EPN1: variants seen among roughly 807,000 people sequenced by gnomAD.
EPN1 encodes epsin 1.
A neutral mutation model predicts 56.9 loss-of-function variants in EPN1; 25 were observed. The ratio of observed to expected loss-of-function variants is 0.44; its 90% CI spans 0.32 to 0.61. The LOEUF (loss-of-function observed/expected upper bound fraction) is 0.61. EPN1 is among the 20% of genes least tolerant of loss of function. The probability of loss-of-function intolerance (pLI) is 0.05; values close to 1 mark genes in which losing one functional copy is unlikely to be tolerated. For missense variants in EPN1, 785 were observed against 823.7 expected (o/e 0.95, Z 0.58); for synonymous variants, 411 against 361.8 (o/e 1.14, Z -1.54).
intron 6 of EPN1, among the ~76,000 whole-genome samples, chr19:55,690,773 C>T (rs765062343): frequency 6.6e-6 from 1 of 152,216 alleles, no homozygotes; most frequent in African/African-American, 2.4e-5. Flanking sequence ...AAGGCCTCCT[C>T]TCCATGGGAG....
rs1985527781 is a variant in EPN1, at chr19:55,677,649, G to C, written c.-101-878G>C. 6 of 1,551,674 alleles carry C rather than the reference G, an allele frequency of 3.9e-6. 1 individual carries two copies. In the Middle Eastern group the frequency reaches 8.3e-4, roughly 216 times the overall value. ...GGGACCCAGGCAGTGGGGCTGTTAG[G>C]TTCCTTATCTCTCCTGAGCCTTGGG... On this transcript the variant is annotated intron_variant, in intron 1 of 10. Transcript: ENST00000270460.
rs1987321124 is a variant in EPN1 at position 55,704,901 on chromosome 19, G to A, written c.*9545G>A. 6.6e-6 allele frequency: 1 copy of A among 152,314 alleles called. No homozygotes were observed. Among genetic ancestry groups the A allele is most frequent in the Non-Finnish European group, 1.5e-5 (1 of 68,122 alleles). 9.4% of individuals were successfully genotyped at this position (152,314 alleles called of 1,614,324 possible). ...AAGCATCGCAAGTGATCCGTAGAAT[G>A]GTAGACATCATCCACTTCCCAAGCA... On this transcript the variant is annotated 3_prime_UTR_variant, in exon 11 of 11. Transcript: ENST00000270460.
chr19:55,688,901 T>C lies in EPN1; in HGVS notation c.510T>C (p.Pro170=). 2 of 1,581,580 alleles carry C rather than the reference T, an allele frequency of 1.3e-6. No individual in the cohort carries two copies. Among genetic ancestry groups the C allele is most frequent in the South Asian group, 2.3e-5 (2 of 86,434 alleles). ...ASSAAVGSGP[P]PEAEQAWPQS... The stretch of plus-strand genomic sequence containing the variant: ...CAGCAGCTGTGGGCTCAGGCCCCCC[T>C]CCCGAGGCGGAGCAGGCGTGGCCGC... Residue 170 remains proline (P), a synonymous_variant, in exon 4 of 11, where the codon CCT becomes CCC. Transcript: ENST00000270460.
chr19:55,688,238 G>A (rs947014349), intron 3 of EPN1, among the ~76,000 whole-genome samples: 2 of 152,104 alleles, frequency 1.3e-5, no homozygotes, highest in African/African-American at 4.8e-5. Flanking sequence ...TTGAGGGTAG[G>A]CGGGGTTGCT....
chr19:55,695,207 C>T lies in EPN1; in HGVS notation c.1582C>T (p.Leu528Phe), dbSNP rs1323374290. ...NPFQPAPPAT[L>F]TLNQLRLSPV... ...CTTCCAGCCCGCGCCTCCCGCGACG[C>T]TCACCCTGAACCAGCTCCGTCTCAG... is the stretch of plus-strand genomic sequence containing the variant. Residue 528 changes from leucine to phenylalanine, a missense_variant, in exon 11 of 11, where the codon CTC becomes TTC. This residue lies in a region of EPN1 where 650 missense variants were observed against 605.0 expected (regional missense o/e 1.07). Transcript: ENST00000270460. This position sits in a 1 kb window ranked among gnomAD's most constrained non-coding sequence, Gnocchi z 4.4. 6.2e-7 allele frequency: 1 copy of T among 1,613,466 alleles called. No homozygotes were observed. Among genetic ancestry groups the T allele is most frequent in the Non-Finnish European group, 8.5e-7 (1 of 1,179,844 alleles).
chr19:55,677,345 C>T (rs907990286), intron 1 of EPN1: 2 of 723,752 alleles, frequency 2.8e-6, no homozygotes, highest in African/African-American at 1.7e-5. Context: ...AAAACAGTGC[C>T]TGGCATGGGA....
rs1212383100 is a variant in EPN1, at chr19:55,706,311, T to A, written c.*10955T>A. On this transcript the variant is annotated 3_prime_UTR_variant, in exon 11 of 11. Transcript: ENST00000270460. ...TTTTTTTTTTTTTTAAAAGACCGTG[T>A]TTCGCTCTGTCACCCAGGCTGGAAT... 6.8e-6 allele frequency: 1 copy of A among 146,870 alleles called. No individual in the cohort carries two copies. Among genetic ancestry groups the A allele is most frequent in the Non-Finnish European group, 1.4e-5 (1 of 70,230 alleles). The allele number at this position is 146,870 out of a possible 1,614,324, so 9.1% of individuals were successfully genotyped here.
rs1324471534 is a variant in EPN1 at position 55,703,686 on chromosome 19, G to A, written c.*8330G>A. Reference sequence around the variant, plus strand: ...GGCGTCTGATGGAACTTTCTGAGATGCCGGAAATGTTCTCTGTGCTGTACA... The same window carrying A: ...GGCGTCTGATGGAACTTTCTGAGATACCGGAAATGTTCTCTGTGCTGTACA... On this transcript the variant is annotated 3_prime_UTR_variant, in exon 11 of 11. Transcript: ENST00000270460. 1 of 152,260 alleles carries A rather than the reference G, an allele frequency of 6.6e-6. No individual in the cohort carries two copies. Among genetic ancestry groups the A allele is most frequent in the Non-Finnish European group, 1.5e-5 (1 of 68,068 alleles). The allele number at this position is 152,260 out of a possible 1,614,324, so 9.4% of individuals were successfully genotyped here.
chr19:55,689,102 A>T lies in EPN1; in HGVS notation c.603+108A>T. 1.4e-6 allele frequency: 2 copies of T among 1,404,486 alleles called. No individual in the cohort carries two copies. Among genetic ancestry groups the T allele is most frequent in the South Asian group, 1.4e-5 (1 of 70,780 alleles). 87.0% of individuals were successfully genotyped at this position (1,404,486 alleles called of 1,614,324 possible). A position where few individuals can be genotyped will look rare whatever the true frequency, so the allele number is the denominator to read the frequency against. On this transcript the variant is annotated intron_variant, in intron 4 of 10. Coordinates refer to ENST00000270460, the MANE Select transcript of EPN1 (RefSeq NM_001130072.2). The surrounding 1 kb of genome is among the most constrained non-coding windows in gnomAD (Gnocchi z 5.7). The stretch of plus-strand genomic sequence containing the variant: ...CTGGCCCTCACTGTCGCTGCTCCAC[A>T]TGCTGTCACTCGTCTCCTCCCCAGT...
At position 55,689,478 on chromosome 19, in the gene EPN1, C is replaced by A; in HGVS notation, c.678+107C>A. 1 of 823,742 alleles carries A rather than the reference C, an allele frequency of 1.2e-6. No homozygotes were observed. The highest frequency in any genetic ancestry group is 2.0e-6 in the Non-Finnish European group (1 of 500,498). 51.0% of individuals were successfully genotyped at this position (823,742 alleles called of 1,614,324 possible). A position where few individuals can be genotyped will look rare whatever the true frequency, so the allele number is the denominator to read the frequency against. The stretch of plus-strand genomic sequence containing the variant: ...ACCATCCTGCTGGGCCCGAAGCCCA[C>A]AGGCTCACGCGTGTTGAAACCTCAG... On this transcript the variant is annotated intron_variant, in intron 5 of 10. Coordinates refer to ENST00000270460, the MANE Select transcript of EPN1 (RefSeq NM_001130072.2). This position sits in a 1 kb window ranked among gnomAD's most constrained non-coding sequence, Gnocchi z 5.7.
rs780944617 is a variant in EPN1 at position 55,695,319 on chromosome 19, G to C, written c.1694G>C (p.Gly565Ala). The C allele has an allele frequency of 2.6e-6, 4 of 1,535,192 alleles. No homozygotes were observed. In the East Asian group the frequency reaches 7.3e-5, roughly 28 times the overall value. The change falls in exon 11 of 11, where the codon GGC (glycine) becomes GCC (alanine). Residue 565 changes from glycine (G) to alanine (A), a missense_variant. Transcript: ENST00000270460. The surrounding 1 kb of genome is among the most constrained non-coding windows in gnomAD (Gnocchi z 4.4). ...GPGLPPMMPP[G>A]PPAPNTNPFL... is the part of the protein sequence containing the mutation. ...GGCCTGCCCCCCATGATGCCCCCGG[G>C]CCCCCCGGCCCCCAACACTAATCCC...
At position 55,692,769 on chromosome 19, in the gene EPN1, G is replaced by A; in HGVS notation, c.1150G>A (p.Ala384Thr). The A allele has an allele frequency of 6.3e-7, 1 of 1,592,960 alleles. No individual in the cohort carries two copies. The part of the protein sequence containing the change: ...AFSDPWGGSP[A>T]KPSTNGTTAA... ...CTCAGATCCCTGGGGAGGGTCACCT[G>A]CCAAGCCCAGCACCAATGGCACAAC... Residue 384 changes from alanine to threonine, a missense_variant, in exon 8 of 11, where the codon GCC becomes ACC. Physicochemically the swap from Ala to Thr is moderately conservative, Grantham distance 58 (BLOSUM62 0). Coordinates refer to ENST00000270460, the MANE Select transcript of EPN1 (RefSeq NM_001130072.2).
At position 55,702,031 on chromosome 19, in the gene EPN1, G is replaced by A. The variant is rs984449604; in HGVS notation, c.*6675G>A. ...GGCTGGAGTGCAGTGGTGTCATCTT[G>A]GCTCACTGCAACCTCCGCCTCCCAG... On this transcript the variant is annotated 3_prime_UTR_variant, in exon 11 of 11. Transcript: ENST00000270460. 1.2e-4 allele frequency: 17 copies of A among 136,606 alleles called. No individual in the cohort carries two copies. Among genetic ancestry groups the A allele is most frequent in the African/African-American group, 4.8e-4 (17 of 35,430 alleles). The allele number at this position is 136,606 out of a possible 1,614,324, so 8.5% of individuals were successfully genotyped here.
rs755550490 is a variant in EPN1, at chr19:55,692,002, C to T, written c.1011C>T (p.Thr337=). Residue 337 remains threonine, a synonymous_variant, in exon 7 of 11, where the codon ACC becomes ACT. Coordinates refer to ENST00000270460, the MANE Select transcript of EPN1 (RefSeq NM_001130072.2). ...CCTCAGTTGACCCTTGGGGTGGGAC[C>T]CCAGCCCCTGCAGCTGGGGAGGGGC... ...AGPSVDPWGG[T]PAPAAGEGPT... The T allele has an allele frequency of 6.8e-5, 100 of 1,481,306 alleles. No individual in the cohort carries two copies. The highest frequency in any genetic ancestry group is 7.9e-5 in the Non-Finnish European group (89 of 1,123,508). 91.8% of individuals were successfully genotyped at this position (1,481,306 alleles called of 1,614,324 possible).
chr19:55,688,742 C>G, intron 3 of EPN1, 128 bp from the exon 4 acceptor site: 1 of 1,359,182 alleles, frequency 7.4e-7, no homozygotes. Flanking sequence ...TCTTGGCCTG[C>G]AGAGGTTGTA....
Position 55,704,908 on chromosome 19 carries a change from A to G in EPN1, c.*9552A>G, listed in dbSNP as rs1198199859. ...GCAAGTGATCCGTAGAATGGTAGAC[A>G]TCATCCACTTCCCAAGCATCTCTGG... On this transcript the variant is annotated 3_prime_UTR_variant, in exon 11 of 11. Transcript: ENST00000270460. 6.6e-6 allele frequency: 1 copy of G among 152,286 alleles called. No individual in the cohort carries two copies. Among genetic ancestry groups the G allele is most frequent in the Non-Finnish European group, 1.5e-5 (1 of 68,112 alleles). The allele number at this position is 152,286 out of a possible 1,614,324, so 9.4% of individuals were successfully genotyped here.
intron 2 of EPN1, among the ~76,000 whole-genome samples, chr19:55,684,542 T>C (rs1318603578): frequency 1.3e-5 from 2 of 152,170 alleles, no homozygotes; most frequent in South Asian, 2.1e-4. Context: ...AGGGTGCAGA[T>C]TGAACGATAA....
At chr19:55,687,675 A>G (rs1295401086) in intron 3 of EPN1, among the ~76,000 whole-genome samples, 1 of 151,982 alleles carries the variant, frequency 6.6e-6, no homozygotes, top group African/African-American at 2.4e-5. Flanking sequence ...CTGCCCTTCC[A>G]TCTGCCCATC....
intron 3 of EPN1, among the ~76,000 whole-genome samples, chr19:55,686,748 A>G (rs1986194847): frequency 6.6e-6 from 1 of 151,862 alleles, no homozygotes; most frequent in Non-Finnish European, 1.5e-5. Context: ...GAGTGCTCAG[A>G]GCCAGGGACA....
Sources: gnomAD v4.1 joint callset for allele counts (sites outside exome capture counted in the v4.1 genomes callset) on GRCh38, gnomAD v4.1.1 for gene constraint, gnomAD v4.1.1 regional missense constraint, Gnocchi (gnomAD v3.1) non-coding constraint, MANE v1.5 for transcripts, NCBI Gene and HGNC (gene_info 2026-07-23, HGNC 2026-07-21) for gene names.